Variants in MAP4K4 observed in about 807,000 individuals in gnomAD.
The protein encoded by MAP4K4 is HPK/GCK-like kinase HGK.
Under a neutral mutation model 189.6 loss-of-function variants are expected in MAP4K4, and 38 were observed. That is an observed-to-expected ratio of 0.20 (90% CI 0.15 to 0.26). The LOEUF (loss-of-function observed/expected upper bound fraction) is 0.26, where lower values mean the gene tolerates loss of function less well. Ranked by LOEUF, MAP4K4 falls within the 10% of genes least tolerant of loss-of-function variation. The probability of loss-of-function intolerance (pLI) is 1.00; values close to 1 mark genes in which losing one functional copy is unlikely to be tolerated. For missense variants in MAP4K4, 1,054 were observed against 1,726.9 expected (o/e 0.61, Z 6.91); for synonymous variants, 610 against 624.3 (o/e 0.98, Z 0.34).
At chr2:101,788,875 AAAG>A (rs986151089) in intron 2 of MAP4K4, among the ~76,000 whole-genome samples, 1 of 152,088 alleles carries the variant, frequency 6.6e-6, no homozygotes, top group Admixed American at 6.5e-5. Flanking sequence ...TTGTTTGAAA[AAAG>A]AAAAAAAAAG....
At chr2:101,797,425 C>CT (rs1273600678) in intron 3 of MAP4K4, 21 of 1,284,578 alleles carry the variant, frequency 1.6e-5, no homozygotes, top group Non-Finnish European at 2.0e-5. Flanking sequence ...CTGTATCCCC[C>CT]TCCTGCACCG....
chr2:101,798,050 G>C (rs560699994), intron 3 of MAP4K4, among the ~76,000 whole-genome samples: 1 of 151,484 alleles, frequency 6.6e-6, no homozygotes, highest in South Asian at 2.1e-4. Flanking sequence ...CTCCTGAGTA[G>C]CTGGGACTAC....
At chr2:101,745,926 T>C (rs1312195854) in intron 2 of MAP4K4, among the ~76,000 whole-genome samples, 1 of 151,842 alleles carries the variant, frequency 6.6e-6, no homozygotes, top group East Asian at 1.9e-4. Flanking sequence ...GTGGTTGATA[T>C]CTGTCAGTCT....
chr2:101,869,740 A>G, exon 22 of MAP4K4: 1 of 1,592,992 alleles, frequency 6.3e-7, no homozygotes. Flanking sequence ...GAGGACGACG[A>G]TGTGGAGCAG....
chr2:101,812,179 T>C (rs1452965527), intron 3 of MAP4K4, among the ~76,000 whole-genome samples: 1 of 152,208 alleles, frequency 6.6e-6, no homozygotes, highest in Non-Finnish European at 1.5e-5. Flanking sequence ...TCCGTTCTTT[T>C]TCCTGCCACC....
intron 9 of MAP4K4, 136 bp downstream of exon 9, chr2:101,836,114 A>G (rs1332628594): frequency 1.6e-6 from 1 of 612,924 alleles, no homozygotes; most frequent in East Asian, 2.8e-5. Context: ...CAAAACACCA[A>G]TTAAAAGATG....
At chr2:101,710,020 G>C (rs2044530483) in intron 2 of MAP4K4, among the ~76,000 whole-genome samples, 1 of 152,144 alleles carries the variant, frequency 6.6e-6, no homozygotes, top group Admixed American at 6.6e-5. Flanking sequence ...TTGACTACCA[G>C]AGCCCTTCTC....
intron 2 of MAP4K4, among the ~76,000 whole-genome samples, chr2:101,766,599 C>G (rs565661275): frequency 3.4e-4 from 50 of 146,632 alleles, no homozygotes; most frequent in Middle Eastern, 3.5e-3. Context: ...AGATTTAGAG[C>G]CTTTTGTCTT....
exon 33 of MAP4K4, chr2:101,892,858 C>T (rs2098589599): frequency 4.4e-6 from 2 of 456,032 alleles, no homozygotes; most frequent in Admixed American, 2.3e-5. Context: ...ATATTACCGT[C>T]TCAGGAAAGG....
intron 12 of MAP4K4, among the ~76,000 whole-genome samples, chr2:101,849,277 C>G (rs1359919357): frequency 6.6e-6 from 1 of 152,054 alleles, no homozygotes; most frequent in Admixed American, 6.6e-5. Flanking sequence ...CATGCACCAG[C>G]ATACTAGGCT....
At chr2:101,803,269 A>ATGTG (rs780552195) in intron 3 of MAP4K4, among the ~76,000 whole-genome samples, 4 of 83,390 alleles carry the variant, frequency 4.8e-5, no homozygotes, top group Admixed American at 2.5e-4. Context: ...GTGTGTATGT[A>ATGTG]TGTGTGTGTG....
At chr2:101,798,276 A>G (rs1330552240) in intron 3 of MAP4K4, among the ~76,000 whole-genome samples, 2 of 152,072 alleles carry the variant, frequency 1.3e-5, no homozygotes, top group African/African-American at 2.4e-5. Flanking sequence ...ATATAACTAT[A>G]TATGTTTATG....
At chr2:101,765,549 T>C (rs75958727) in intron 2 of MAP4K4, among the ~76,000 whole-genome samples, 1 of 152,254 alleles carries the variant, frequency 6.6e-6, no homozygotes, top group African/African-American at 2.4e-5. Context: ...GGTGTCAAAC[T>C]CCTGAGCTCA....
intron 2 of MAP4K4, among the ~76,000 whole-genome samples, chr2:101,764,901 CTATT>C (rs1468887957): frequency 4.6e-5 from 7 of 152,216 alleles, no homozygotes; most frequent in African/African-American, 1.7e-4. Context: ...ATTTATTTCA[CTATT>C]TAAGTGATGA....
chr2:101,768,305 C>A (rs766399418), intron 2 of MAP4K4, among the ~76,000 whole-genome samples: 2 of 152,254 alleles, frequency 1.3e-5, no homozygotes, highest in Non-Finnish European at 1.5e-5. Context: ...AACTGAGCAT[C>A]GTGATATTTA....
intron 7 of MAP4K4, among the ~76,000 whole-genome samples, chr2:101,833,218 T>C (rs921984210): frequency 6.6e-6 from 1 of 152,218 alleles, no homozygotes; most frequent in African/African-American, 2.4e-5. Context: ...AACCTTTAAA[T>C]TGAGCAACTT....
chr2:101,823,516 A>G (rs2096200243), intron 3 of MAP4K4, among the ~76,000 whole-genome samples: 1 of 152,180 alleles, frequency 6.6e-6, no homozygotes, highest in Admixed American at 6.5e-5. Flanking sequence ...GGACCAGATG[A>G]TCTGTATTTG....
intron 32 of MAP4K4, among the ~76,000 whole-genome samples, chr2:101,889,768 C>G (rs1239242204): frequency 6.6e-6 from 1 of 150,656 alleles, no homozygotes; most frequent in South Asian, 2.1e-4. Flanking sequence ...GACTAGCAGT[C>G]AGCCCAGTTC....
intron 2 of MAP4K4, among the ~76,000 whole-genome samples, chr2:101,717,058 G>A (rs926479248): frequency 6.6e-6 from 1 of 152,182 alleles, no homozygotes; most frequent in Non-Finnish European, 1.5e-5. Flanking sequence ...ACAGCTGAGA[G>A]TTAGGGTTTT....
Sources: gnomAD v4.1 joint callset for allele counts (sites outside exome capture counted in the v4.1 genomes callset) on GRCh38, gnomAD v4.1.1 for gene constraint, MANE v1.5 for transcripts, NCBI Gene and HGNC (gene_info 2026-07-23, HGNC 2026-07-21) for gene names.